CARMIL1: variants seen among roughly 807,000 people sequenced by gnomAD.
The protein encoded by CARMIL1 is F-actin-uncapping protein LRRC16A.
A neutral mutation model predicts 177.1 loss-of-function variants in CARMIL1; 90 were observed. The ratio of observed to expected loss-of-function variants is 0.51; its 90% CI spans 0.43 to 0.61. The LOEUF (loss-of-function observed/expected upper bound fraction) is 0.61, where lower values mean the gene tolerates loss of function less well. CARMIL1 is among the 20% of genes least tolerant of loss of function. CARMIL1 has a pLI of 0.00. For missense variants in CARMIL1, 1,380 were observed against 1,667.0 expected, an observed-to-expected ratio of 0.83 and a Z score of 3.00; for synonymous variants, 577 against 606.2, an observed-to-expected ratio of 0.95 and a Z score of 0.71.
chr6:25,600,116 G>A (rs1815242485), intron 32 of CARMIL1, among the ~76,000 whole-genome samples, 198 bp from the exon 33 acceptor site: 1 of 152,102 alleles, frequency 6.6e-6, no homozygotes, highest in African/African-American at 2.4e-5. Flanking sequence ...TGCGTGCCTC[G>A]ATTTTCTCAC....
intron 23 of CARMIL1, among the ~76,000 whole-genome samples, chr6:25,527,948 A>G (rs778096917): frequency 2.0e-5 from 3 of 152,234 alleles, no homozygotes; most frequent in South Asian, 2.1e-4. Context: ...TTAAAAACAA[A>G]CAAAACCAAC....
chr6:25,563,918 C>T (rs1811345853), intron 29 of CARMIL1: 1 of 964,520 alleles, frequency 1.0e-6, no homozygotes, highest in Non-Finnish European at 1.2e-6. Flanking sequence ...GGTAACAACC[C>T]ACTAGTGAGT....
intron 2 of CARMIL1, among the ~76,000 whole-genome samples, chr6:25,323,456 A>G (rs1784836947): frequency 6.7e-6 from 1 of 149,724 alleles, no homozygotes; most frequent in Admixed American, 6.6e-5. Context: ...AAAACCCCCC[A>G]GAATTAGCCA....
At chr6:25,614,345 G>C (rs1266779400) in intron 36 of CARMIL1, among the ~76,000 whole-genome samples, 1 of 152,206 alleles carries the variant, frequency 6.6e-6, no homozygotes, top group Non-Finnish European at 1.5e-5. Flanking sequence ...TCCTGCCCTA[G>C]AGAAAGCCAA....
chr6:25,603,394 G>A (rs721803), intron 33 of CARMIL1, among the ~76,000 whole-genome samples: 117,216 of 152,106 alleles, frequency 0.77, 45,278 homozygotes, highest in East Asian at 0.88. Flanking sequence ...TGACAGTGGA[G>A]CTTTTGTCAT....
intron 2 of CARMIL1, among the ~76,000 whole-genome samples, chr6:25,299,251 A>C (rs541328652): frequency 6.7e-6 from 1 of 150,140 alleles, no homozygotes; most frequent in South Asian, 2.1e-4. Context: ...GCTCACTGCA[A>C]CTTCTGCCTC....
intron 16 of CARMIL1, among the ~76,000 whole-genome samples, chr6:25,498,550 AAAG>A (rs1803969819): frequency 6.6e-6 from 1 of 152,222 alleles, no homozygotes; most frequent in African/African-American, 2.4e-5. Context: ...ACATGTGAGA[AAAG>A]TAGGAAGTAT....
At chr6:25,527,276 A>G (rs1294938002) in intron 23 of CARMIL1, among the ~76,000 whole-genome samples, 1 of 152,160 alleles carries the variant, frequency 6.6e-6, no homozygotes, top group African/African-American at 2.4e-5. Flanking sequence ...GTGGTGGTGT[A>G]TACAGGCCTG....
intron 9 of CARMIL1, among the ~76,000 whole-genome samples, chr6:25,466,693 G>C (rs925016702): frequency 6.6e-6 from 1 of 152,162 alleles, no homozygotes; most frequent in Non-Finnish European, 1.5e-5. Flanking sequence ...GAATACATCA[G>C]ACTTGGAATG....
chr6:25,431,819 G>T (rs567419499), intron 4 of CARMIL1, among the ~76,000 whole-genome samples: 1 of 152,168 alleles, frequency 6.6e-6, no homozygotes, highest in African/African-American at 2.4e-5. Flanking sequence ...GCCCCTGTCA[G>T]TGTCAGTACC....
chr6:25,619,608 T>C lies in CARMIL1; in HGVS notation c.*25T>C, dbSNP rs1452179587. On this transcript the variant is annotated 3_prime_UTR_variant, in exon 37 of 37. Coordinates refer to ENST00000329474, the MANE Select transcript of CARMIL1 (RefSeq NM_017640.6). ...AAGGTCACCCACGCAGAAGTCTTCCTGTGCAGGGTGCTTTGGTAGCCATCA... is the reference window on the plus strand; with the variant it reads ...AAGGTCACCCACGCAGAAGTCTTCCCGTGCAGGGTGCTTTGGTAGCCATCA... 1.9e-6 allele frequency: 3 copies of C among 1,607,636 alleles called. No homozygotes were observed. Among genetic ancestry groups the C allele is most frequent in the Non-Finnish European group, 1.7e-6 (2 of 1,176,904 alleles).
chr6:25,587,277 A>C (rs1258301448), intron 31 of CARMIL1, among the ~76,000 whole-genome samples: 1 of 152,182 alleles, frequency 6.6e-6, no homozygotes, highest in African/African-American at 2.4e-5. Flanking sequence ...AAGTAGATAA[A>C]AGAATTCTTA....
At chr6:25,339,012 AT>A (rs1786599602) in intron 2 of CARMIL1, among the ~76,000 whole-genome samples, 1 of 144,936 alleles carries the variant, frequency 6.9e-6, no homozygotes. Flanking sequence ...AATGAAAAAA[AT>A]ATAGAATTTC....
chr6:25,593,938 A>C (rs963725989), intron 31 of CARMIL1, among the ~76,000 whole-genome samples: 1 of 152,324 alleles, frequency 6.6e-6, no homozygotes, highest in Admixed American at 6.5e-5. Context: ...TTCCAGCAAG[A>C]AAGAAAGTAG....
chr6:25,456,982 ATTT>A (rs112794224), intron 8 of CARMIL1, among the ~76,000 whole-genome samples: 110 of 139,842 alleles, frequency 7.9e-4, no homozygotes, highest in African/African-American at 2.6e-3. Flanking sequence ...TCAAAGCTCC[ATTT>A]TTTTTTTTTT....
chr6:25,434,465 A>G (rs1158422272), intron 4 of CARMIL1, among the ~76,000 whole-genome samples: 1 of 151,684 alleles, frequency 6.6e-6, no homozygotes, highest in African/African-American at 2.4e-5. Context: ...ACATTTTATT[A>G]ACGTGTTACC....
chr6:25,546,253 C>G (rs1008266825), intron 26 of CARMIL1, among the ~76,000 whole-genome samples: 1 of 151,540 alleles, frequency 6.6e-6, no homozygotes, highest in African/African-American at 2.4e-5. Context: ...CAGTGCAATA[C>G]GATAAACAAA....
chr6:25,612,350 C>T (rs1816572231), intron 36 of CARMIL1: 1 of 152,120 alleles, frequency 6.6e-6, no homozygotes, highest in South Asian at 2.1e-4. Flanking sequence ...ACTTCATTTC[C>T]CTGTTCTTTG....
intron 8 of CARMIL1, chr6:25,451,987 C>CGGGGGGGG: frequency 1.6e-5 from 1 of 62,880 alleles, no homozygotes; most frequent in Non-Finnish European, 3.3e-5. Flanking sequence ...TAGCATCTTG[C>CGGGGGGGG]CCCCCCCTCC....
Sources: allele counts gnomAD v4.1 joint callset (sites outside exome capture counted in the v4.1 genomes callset), GRCh38; gene constraint gnomAD v4.1.1; transcripts MANE v1.5; gene names NCBI Gene and HGNC (gene_info 2026-07-23, HGNC 2026-07-21).